PTPRA: variants seen among roughly 807,000 people sequenced by gnomAD.
PTPRA encodes the protein protein tyrosine phosphatase receptor type A.
PTPRA carries 25 observed loss-of-function variants against 104.8 expected under a neutral mutation model. That is an observed-to-expected ratio of 0.24 (90% confidence interval 0.17 to 0.33). The LOEUF (loss-of-function observed/expected upper bound fraction) is 0.33, where lower values mean the gene tolerates loss of function less well. Ranked by LOEUF, PTPRA falls within the 10% of genes least tolerant of loss-of-function variation. The probability of loss-of-function intolerance (pLI) is 1.00; values close to 1 mark genes in which losing one functional copy is unlikely to be tolerated. For missense variants in PTPRA, 765 were observed against 1,015.3 expected (o/e 0.75, Z 3.35); for synonymous variants, 323 against 368.9 (o/e 0.88, Z 1.43).
intron 3 of PTPRA, among the ~76,000 whole-genome samples, chr20:2,959,833 T>G (rs892023399): frequency 1.3e-5 from 2 of 152,052 alleles, no homozygotes; most frequent in African/African-American, 4.8e-5. Context: ...CACCTGTAAC[T>G]GTACCTACTC....
intron 1 of PTPRA, among the ~76,000 whole-genome samples, chr20:2,897,094 AT>A (rs2059029132): frequency 6.6e-6 from 1 of 152,202 alleles, no homozygotes; most frequent in South Asian, 2.1e-4. Flanking sequence ...GTTCATGTCA[AT>A]TTGTCCAATT....
At chr20:2,864,326 G>T in the PTPRA span, 2 of 1,614,010 alleles carry the variant, frequency 1.2e-6, no homozygotes, top group South Asian at 1.1e-5. The surrounding 1 kb of genome is among the most constrained non-coding windows in gnomAD (Gnocchi z 5.2). Flanking sequence ...CTAAGTGGGA[G>T]CCTGGCTGGA....
At chr20:2,988,765 G>A (rs1185053398) in intron 9 of PTPRA, among the ~76,000 whole-genome samples, 1 of 152,178 alleles carries the variant, frequency 6.6e-6, no homozygotes, top group African/African-American at 2.4e-5. Flanking sequence ...TATTCTAGTT[G>A]CCAGTGATAT....
rs548453050 is a variant in PTPRA, at chr20:2,938,496, A to G, written c.-49-9486A>G. 8.5e-5 allele frequency among the ~76,000 whole-genome samples: 13 copies of G among 152,088 alleles called. No individual in the cohort carries two copies. In the East Asian group the frequency reaches 2.5e-3, roughly 29 times the overall value. On this transcript the variant is annotated intron_variant, in intron 2 of 23. Coordinates refer to ENST00000399903, the MANE Select transcript of PTPRA (RefSeq NM_001385305.1). ...CCACCGTACCCAGTAGACAGTTTTT[A>G]GCCATTATTTCTTAAATTTTTTTTT...
chr20:3,006,159 G>A (rs1400818371), intron 10 of PTPRA, among the ~76,000 whole-genome samples: 2 of 152,020 alleles, frequency 1.3e-5, no homozygotes, highest in East Asian at 1.9e-4. Flanking sequence ...AGCCCAGCCA[G>A]TATATTTGCC....
chr20:2,890,827 A>G (rs2058765371), intron 1 of PTPRA, among the ~76,000 whole-genome samples: 1 of 152,076 alleles, frequency 6.6e-6, no homozygotes, highest in Admixed American at 6.5e-5. Context: ...TGAGTTACCA[A>G]AGATTCCATC....
At chr20:2,935,633 T>G (rs889196114) in intron 2 of PTPRA, among the ~76,000 whole-genome samples, 2 of 152,100 alleles carry the variant, frequency 1.3e-5, no homozygotes, top group Admixed American at 6.5e-5. Context: ...AGCACAGTTC[T>G]GCAATCATAA....
the PTPRA span, chr20:2,864,667 T>C: frequency 2.4e-4 from 391 of 1,596,072 alleles, 3 homozygotes; most frequent in Middle Eastern, 3.2e-3. The surrounding 1 kb of genome is among the most constrained non-coding windows in gnomAD (Gnocchi z 5.2). Context: ...CTGAGATCCA[T>C]GGGGCGTGTG....
chr20:2,940,116 A>ACAC, intron 2 of PTPRA, among the ~76,000 whole-genome samples: 1 of 152,190 alleles, frequency 6.6e-6, no homozygotes, highest in African/African-American at 2.4e-5. Context: ...ATCTCAAACA[A>ACAC]AAACAAAAAC....
chr20:2,968,491 C>T (rs1568674341), intron 5 of PTPRA, among the ~76,000 whole-genome samples: 1 of 123,476 alleles, frequency 8.1e-6, no homozygotes, highest in Non-Finnish European at 1.6e-5. Context: ...CCTTCTCCCC[C>T]TCTTCCTTTT....
intron 1 of PTPRA, among the ~76,000 whole-genome samples, chr20:2,916,240 A>AT (rs2059899762): frequency 6.6e-6 from 1 of 151,818 alleles, no homozygotes; most frequent in African/African-American, 2.4e-5. Context: ...GGGTTTCACT[A>AT]TTATTGCCTA....
chr20:2,959,272 G>A (rs1266019972), intron 3 of PTPRA, among the ~76,000 whole-genome samples: 1 of 152,088 alleles, frequency 6.6e-6, no homozygotes, highest in African/African-American at 2.4e-5. Flanking sequence ...TTCTGGAAAG[G>A]AATTTTTATT....
chr20:3,015,778 C>CA, intron 11 of PTPRA, 71 bp from the exon 12 acceptor site: 1 of 1,337,408 alleles, frequency 7.5e-7, no homozygotes, highest in Non-Finnish European at 1.1e-6. Context: ...TGGTTGGAGT[C>CA]AGACTGGAGA....
intron 1 of PTPRA, among the ~76,000 whole-genome samples, chr20:2,902,466 A>G (rs1025907164): frequency 1.3e-5 from 2 of 152,192 alleles, no homozygotes; most frequent in Admixed American, 1.3e-4. Context: ...GCAGTCATGG[A>G]AACTAGGCAG....
rs755220395 is a variant in PTPRA at position 3,027,155 on chromosome 20, G to A, written c.1743G>A (p.Arg581=). The change falls in exon 19 of 24, where the codon CGG becomes CGA. Residue 581 remains arginine, a synonymous_variant. Transcript: ENST00000399903. Reference sequence around the variant, plus strand: ...ACAGAGTGATCATTCCAGTTAAGCGGGGCGAAGAGAATACAGACTATGTGA... The same window carrying A: ...ACAGAGTGATCATTCCAGTTAAGCGAGGCGAAGAGAATACAGACTATGTGA... ...EFNRVIIPVK[R]GEENTDYVNA... is the part of the protein sequence containing the mutation. The A allele has an allele frequency of 8.7e-6, 14 of 1,614,048 alleles. No individual in the cohort carries two copies. Among genetic ancestry groups the A allele is most frequent in the African/African-American group, 1.3e-5 (1 of 74,922 alleles).
At chr20:2,864,836 G>T in the PTPRA span, 1 of 1,219,900 alleles carries the variant, frequency 8.2e-7, no homozygotes, top group African/African-American at 1.5e-5. The surrounding 1 kb of genome is among the most constrained non-coding windows in gnomAD (Gnocchi z 5.2). Context: ...CATCCCTCTA[G>T]GACATCAGAG....
chr20:2,985,884 CTTGTTTGT>C (rs71195807), intron 6 of PTPRA, among the ~76,000 whole-genome samples: 32,573 of 148,612 alleles, frequency 0.22, 4,127 homozygotes, highest in East Asian at 0.36. Context: ...CAGCTGTCTC[CTTGTTTGT>C]TTGTTTGTTT....
intron 1 of PTPRA, among the ~76,000 whole-genome samples, chr20:2,877,923 CA>C (rs1336091984): frequency 6.6e-6 from 1 of 152,136 alleles, no homozygotes; most frequent in Non-Finnish European, 1.5e-5. Flanking sequence ...GAGGCTGAGG[CA>C]GGTGGATCAT....
At chr20:2,864,638 G>C in the PTPRA span, 15 of 1,614,118 alleles carry the variant, frequency 9.3e-6, no homozygotes, top group Non-Finnish European at 1.2e-5. The surrounding 1 kb of genome is among the most constrained non-coding windows in gnomAD (Gnocchi z 5.2). Flanking sequence ...ATCCGAGCCA[G>C]CTATGCTGCA....
Sources: gnomAD v4.1 joint callset for allele counts (sites outside exome capture counted in the v4.1 genomes callset) on GRCh38, gnomAD v4.1.1 for gene constraint, Gnocchi (gnomAD v3.1) non-coding constraint, MANE v1.5 for transcripts, NCBI Gene and HGNC (gene_info 2026-07-23, HGNC 2026-07-21) for gene names.